The following DLG2 variants were observed in gnomAD, a reference collection of about 807,000 sequenced individuals.
The protein encoded by DLG2 is discs large MAGUK scaffold protein 2.
DLG2 carries 45 observed loss-of-function variants against 132.5 expected under a neutral mutation model. The ratio of observed to expected loss-of-function variants is 0.34; its 90% CI spans 0.27 to 0.44. The LOEUF (loss-of-function observed/expected upper bound fraction) is 0.44, where lower values mean the gene tolerates loss of function less well. DLG2 is among the 20% of genes least tolerant of loss of function. The pLI is 1.00. For synonymous variants in DLG2, 424 were observed against 419.6 expected, an observed-to-expected ratio of 1.01 and a Z score of -0.13; for missense variants, 1,045 against 1,196.9, an observed-to-expected ratio of 0.87 and a Z score of 1.87.
In DLG2 at chr11:83,459,931, C is replaced by T. The variant is rs370996896; in HGVS notation, c.2822-7G>A. 1.1e-3 allele frequency: 1,586 copies of T among 1,421,126 alleles called. 4 individuals carry two copies. Among genetic ancestry groups the T allele is most frequent in the Admixed American group, 1.9e-3 (112 of 58,528 alleles). 88.0% of individuals were successfully genotyped at this position (1,421,126 alleles called of 1,614,324 possible). A position where few individuals can be genotyped will look rare whatever the true frequency, so the allele number is the denominator to read the frequency against. On this transcript the variant is annotated splice_region_variant and splice_polypyrimidine_tract_variant and intron_variant, in intron 27 of 27. Coordinates refer to ENST00000376104, the MANE Select transcript of DLG2 (RefSeq NM_001142699.3). Reference sequence around the variant, plus strand: ...GTATCTCCTTGGACAATAGCTGTAACAAAAGCAAACACACCCAGAATTAGA... The same window carrying T: ...GTATCTCCTTGGACAATAGCTGTAATAAAAGCAAACACACCCAGAATTAGA...
chr11:83,981,383 C>T (rs1189829569), intron 11 of DLG2, among the ~76,000 whole-genome samples: 1 of 151,392 alleles, frequency 6.6e-6, no homozygotes, highest in Non-Finnish European at 1.5e-5. Context: ...AAAAATATTC[C>T]TTAAAAATAT....
chr11:83,812,738 A>C (rs189994893), intron 17 of DLG2, among the ~76,000 whole-genome samples: 2 of 152,286 alleles, frequency 1.3e-5, no homozygotes, highest in East Asian at 3.9e-4. Context: ...TGAAGGACAG[A>C]CAAGAAAGAG....
intron 21 of DLG2, among the ~76,000 whole-genome samples, chr11:83,497,326 T>C (rs1213965837): frequency 6.6e-6 from 1 of 152,178 alleles, no homozygotes; most frequent in African/African-American, 2.4e-5. Context: ...GTGGATCACC[T>C]GAGCTCAGGA....
intron 18 of DLG2, among the ~76,000 whole-genome samples, chr11:83,782,323 C>T (rs1249347663): frequency 6.6e-6 from 1 of 152,180 alleles, no homozygotes; most frequent in Middle Eastern, 3.2e-3. Context: ...CATTCAATAA[C>T]TCATTAATAA....
chr11:85,222,877 G>T (rs550405424), intron 4 of DLG2, among the ~76,000 whole-genome samples: 1 of 152,184 alleles, frequency 6.6e-6, no homozygotes, highest in South Asian at 2.1e-4. Flanking sequence ...AGTTAGCTTG[G>T]CAGTGACATA....
chr11:83,489,321 A>G (rs2093706003), intron 21 of DLG2, among the ~76,000 whole-genome samples: 1 of 151,996 alleles, frequency 6.6e-6, no homozygotes, highest in African/African-American at 2.4e-5. Context: ...AAAATGTGGG[A>G]AGCTCTACAA....
chr11:83,825,753 T>G (rs1180675554), intron 17 of DLG2, among the ~76,000 whole-genome samples: 1 of 152,120 alleles, frequency 6.6e-6, no homozygotes, highest in Non-Finnish European at 1.5e-5. Flanking sequence ...TGAAACACAC[T>G]TGTGTGTGGT....
At chr11:85,077,900 A>C (rs1030912105) in intron 6 of DLG2, among the ~76,000 whole-genome samples, 1 of 152,060 alleles carries the variant, frequency 6.6e-6, no homozygotes, top group African/African-American at 2.4e-5. Flanking sequence ...TGTGCTGTCT[A>C]TAAGAATTAT....
At chr11:84,304,964 A>T (rs1031034077) in intron 7 of DLG2, among the ~76,000 whole-genome samples, 7 of 152,188 alleles carry the variant, frequency 4.6e-5, no homozygotes, top group African/African-American at 1.7e-4. Flanking sequence ...TCCTTTTTTC[A>T]TCTGAAATAA....
chr11:84,375,964 C>G (rs2098727362), intron 7 of DLG2, among the ~76,000 whole-genome samples: 1 of 151,926 alleles, frequency 6.6e-6, no homozygotes, highest in Admixed American at 6.6e-5. Context: ...TTCATACAAA[C>G]TTGACCCATT....
At chr11:83,745,005 C>T (rs2092798222) in intron 18 of DLG2, among the ~76,000 whole-genome samples, 1 of 152,176 alleles carries the variant, frequency 6.6e-6, no homozygotes, top group Non-Finnish European at 1.5e-5. Flanking sequence ...TCTTAGGATG[C>T]TGCAATACTC....
chr11:83,684,439 CTT>C (rs986646175), intron 18 of DLG2: 3 of 152,146 alleles, frequency 2.0e-5, no homozygotes, highest in African/African-American at 7.2e-5. Context: ...TCTGTTCTCT[CTT>C]TGTTTAGCTT....
chr11:85,183,917 G>A (rs917389121), intron 4 of DLG2, among the ~76,000 whole-genome samples: 1 of 151,876 alleles, frequency 6.6e-6, no homozygotes, highest in Non-Finnish European at 1.5e-5. Context: ...TTATGTGCTG[G>A]GCACTCTATT....
At chr11:83,843,077 G>C (rs1246710848) in intron 16 of DLG2, among the ~76,000 whole-genome samples, 1 of 152,056 alleles carries the variant, frequency 6.6e-6, no homozygotes. Context: ...GTACCTTTTA[G>C]GATAAGGTCT....
chr11:83,766,077 G>T (rs549425782), intron 18 of DLG2, among the ~76,000 whole-genome samples: 1 of 149,854 alleles, frequency 6.7e-6, no homozygotes, highest in South Asian at 2.1e-4. Flanking sequence ...AACTAATCTT[G>T]GGAGATTCCA....
chr11:84,971,131 G>A (rs975898415), intron 6 of DLG2, among the ~76,000 whole-genome samples: 4 of 152,084 alleles, frequency 2.6e-5, no homozygotes, highest in Admixed American at 6.6e-5. Context: ...GTACAAAGAC[G>A]GCAGTATTTT....
intron 3 of DLG2, among the ~76,000 whole-genome samples, chr11:85,405,114 A>G (rs1017415048): frequency 6.6e-6 from 1 of 151,986 alleles, no homozygotes; most frequent in Non-Finnish European, 1.5e-5. Context: ...CTGAATACCC[A>G]GCAAGGCATG....
intron 4 of DLG2, among the ~76,000 whole-genome samples, chr11:85,170,101 T>C (rs1254435223): frequency 6.6e-6 from 1 of 152,166 alleles, no homozygotes; most frequent in Non-Finnish European, 1.5e-5. Context: ...CGAGCCATCA[T>C]AAGGAAATGA....
chr11:83,611,491 T>C (rs2060106955), intron 19 of DLG2, among the ~76,000 whole-genome samples: 2 of 152,318 alleles, frequency 1.3e-5, no homozygotes, highest in Admixed American at 1.3e-4. Flanking sequence ...ACTGACAAGC[T>C]TTGTTTTTTG....
Sources: allele counts gnomAD v4.1 joint callset (sites outside exome capture counted in the v4.1 genomes callset), GRCh38; gene constraint gnomAD v4.1.1; transcripts MANE v1.5; gene names NCBI Gene and HGNC (gene_info 2026-07-23, HGNC 2026-07-21).